CDH13: variants seen among roughly 807,000 people sequenced by gnomAD.
CDH13 encodes the protein cadherin-13.
In CDH13, 24 loss-of-function variants were observed where a neutral mutation model predicts 63.8. The observed-to-expected ratio is 0.38, with a 90% CI of 0.27 to 0.53. CDH13 has a LOEUF of 0.53. Ranked by LOEUF, CDH13 falls within the 20% of genes least tolerant of loss-of-function variation. The pLI, the probability that CDH13 is intolerant of heterozygous loss-of-function variation, is 0.85. For synonymous variants in CDH13, 503 were observed against 355.3 expected, an observed-to-expected ratio of 1.42 and a Z score of -4.67; for missense variants, 1,049 against 903.1, an observed-to-expected ratio of 1.16 and a Z score of -2.07.
At chr16:83,238,239 A>G (rs1904280315) in intron 5 of CDH13, among the ~76,000 whole-genome samples, 1 of 150,096 alleles carries the variant, frequency 6.7e-6, no homozygotes, top group Non-Finnish European at 1.5e-5. Context: ...AAAAAGAGAG[A>G]TTTAGTGGAC....
chr16:82,901,990 T>C (rs1025078722), intron 2 of CDH13, among the ~76,000 whole-genome samples: 5 of 152,224 alleles, frequency 3.3e-5, no homozygotes, highest in African/African-American at 1.2e-4. Context: ...CTGAGATTTC[T>C]TTTAGTGACT....
In CDH13 at chr16:83,093,294, C is replaced by CTTTTTTTTTTTTTTTTTT. The variant is rs549590536; in HGVS notation, c.367-32070_367-32053dup. 8.5e-5 allele frequency among the ~76,000 whole-genome samples: 3 copies of CTTTTTTTTTTTTTTTTTT among 35,326 alleles called. 1 individual carries two copies. Among genetic ancestry groups the CTTTTTTTTTTTTTTTTTT allele is most frequent in the Non-Finnish European group, 1.1e-4 (2 of 17,918 alleles). The allele number at this position is 35,326 out of a possible 152,430, so 23.2% of individuals were successfully genotyped here. ...TTGTCCTGTGGAAACACCATAAGTA[C>CTTTTTTTTTTTTTTTTTT]TTTTTTTTTTTTTTTTTTTTTTTTT... is the stretch of plus-strand genomic sequence containing the variant. On this transcript the variant is annotated intron_variant, in intron 3 of 13. Transcript: ENST00000567109.
At chr16:83,423,087 C>G (rs2071765172) in intron 6 of CDH13, among the ~76,000 whole-genome samples, 1 of 152,176 alleles carries the variant, frequency 6.6e-6, no homozygotes, top group Non-Finnish European at 1.5e-5. Context: ...CATGTAACAG[C>G]AAACTCACTG....
chr16:83,040,894 C>A (rs886146079), intron 3 of CDH13, among the ~76,000 whole-genome samples: 1 of 152,184 alleles, frequency 6.6e-6, no homozygotes, highest in African/African-American at 2.4e-5. Context: ...ACTGAGGTGA[C>A]CCAGTCCTCC....
At chr16:83,497,177 C>G (rs1233547551) in intron 7 of CDH13, among the ~76,000 whole-genome samples, 4 of 152,014 alleles carry the variant, frequency 2.6e-5, no homozygotes. Context: ...ACCCAAAGGA[C>G]TATAAATCAT....
chr16:83,547,429 GT>G (rs1352350517), intron 7 of CDH13, among the ~76,000 whole-genome samples: 2 of 152,076 alleles, frequency 1.3e-5, no homozygotes, highest in East Asian at 3.9e-4. Flanking sequence ...TCCAATAGTT[GT>G]TTTTTTCTGA....
intron 6 of CDH13, among the ~76,000 whole-genome samples, chr16:83,406,777 T>G (rs1018031112): frequency 2.0e-5 from 3 of 152,212 alleles, no homozygotes; most frequent in Non-Finnish European, 2.9e-5. Flanking sequence ...GCTCTGCCTC[T>G]TTCTAGCTGA....
At chr16:83,734,432 A>G (rs1378109021) in intron 10 of CDH13, among the ~76,000 whole-genome samples, 1 of 152,086 alleles carries the variant, frequency 6.6e-6, no homozygotes, top group African/African-American at 2.4e-5. Flanking sequence ...CGTGTTTGGG[A>G]AAACATGGAT....
At chr16:83,253,462 G>A (rs1049247672) in intron 5 of CDH13, among the ~76,000 whole-genome samples, 2 of 152,200 alleles carry the variant, frequency 1.3e-5, no homozygotes, top group Admixed American at 1.3e-4. Context: ...GTGTGGTCGT[G>A]TTGAGAGAAC....
chr16:83,458,881 A>G (rs1428558919), intron 6 of CDH13, among the ~76,000 whole-genome samples: 1 of 152,250 alleles, frequency 6.6e-6, no homozygotes, highest in East Asian at 1.9e-4. Context: ...TGCAGCAATG[A>G]GAAAACATCC....
intron 6 of CDH13, among the ~76,000 whole-genome samples, chr16:83,460,439 A>G (rs1332796111): frequency 6.6e-6 from 1 of 152,218 alleles, no homozygotes; most frequent in Non-Finnish European, 1.5e-5. Context: ...TCCTAGAAGC[A>G]TTTCTAGCAA....
intron 1 of CDH13, among the ~76,000 whole-genome samples, chr16:82,648,394 C>G (rs1045753457): frequency 4.6e-5 from 7 of 152,134 alleles, no homozygotes; most frequent in Non-Finnish European, 1.0e-4. Flanking sequence ...GCCTGACTCT[C>G]CTAAATGCTC....
At chr16:83,627,439 A>G (rs1910413857) in intron 8 of CDH13, among the ~76,000 whole-genome samples, 2 of 152,252 alleles carry the variant, frequency 1.3e-5, no homozygotes, top group African/African-American at 4.8e-5. Context: ...TCCAGGCATT[A>G]GCTACAAAAG....
intron 7 of CDH13, among the ~76,000 whole-genome samples, chr16:83,569,011 G>A (rs970537215): frequency 2.0e-5 from 3 of 152,032 alleles, no homozygotes; most frequent in African/African-American, 7.3e-5. Context: ...ATCTTGCCTA[G>A]TGCAGCAATT....
intron 5 of CDH13, among the ~76,000 whole-genome samples, chr16:83,280,859 T>G (rs557445601): frequency 1.3e-5 from 2 of 152,246 alleles, no homozygotes; most frequent in Non-Finnish European, 2.9e-5. Context: ...CAATGAGCAG[T>G]AACATTTTGA....
chr16:83,705,158 T>C (rs1479130746), intron 10 of CDH13, among the ~76,000 whole-genome samples: 1 of 152,236 alleles, frequency 6.6e-6, no homozygotes, highest in Non-Finnish European at 1.5e-5. Context: ...GTAATCATTC[T>C]TATAGGTTAA....
intron 7 of CDH13, among the ~76,000 whole-genome samples, chr16:83,521,683 C>T (rs1453873218): frequency 2.6e-5 from 4 of 152,144 alleles, no homozygotes; most frequent in African/African-American, 4.8e-5. Flanking sequence ...CAGCCACCCC[C>T]GGAAAAGAAC....
At chr16:82,872,198 A>G (rs1457762340) in intron 2 of CDH13, among the ~76,000 whole-genome samples, 1 of 152,216 alleles carries the variant, frequency 6.6e-6, no homozygotes, top group Non-Finnish European at 1.5e-5. Context: ...AACCCAGCAT[A>G]CACACAAATG....
intron 7 of CDH13, among the ~76,000 whole-genome samples, chr16:83,527,730 A>C (rs2074996846): frequency 6.6e-6 from 1 of 152,198 alleles, no homozygotes; most frequent in African/African-American, 2.4e-5. Context: ...AGGACTTGGC[A>C]TCAAATAAGC....
Sources: allele counts gnomAD v4.1 joint callset (sites outside exome capture counted in the v4.1 genomes callset), GRCh38; gene constraint gnomAD v4.1.1; transcripts MANE v1.5; gene names NCBI Gene and HGNC (gene_info 2026-07-23, HGNC 2026-07-21).